SCHIP1: variants seen among roughly 807,000 people sequenced by gnomAD.
SCHIP1 encodes schwannomin-interacting protein 1.
In SCHIP1, 8 loss-of-function variants were observed where a neutral mutation model predicts 29.7. That is an observed-to-expected ratio of 0.27 (90% confidence interval 0.16 to 0.49). The LOEUF (loss-of-function observed/expected upper bound fraction) is 0.49, where lower values mean the gene tolerates loss of function less well. Ranked by LOEUF, SCHIP1 falls within the 20% of genes least tolerant of loss-of-function variation. The pLI, the probability that SCHIP1 is intolerant of heterozygous loss-of-function variation, is 0.99. For missense variants in SCHIP1, 193 were observed against 294.6 expected (o/e 0.66, Z 2.52); for synonymous variants, 76 against 94.9 (o/e 0.80, Z 1.16).
the SCHIP1 span, among the ~76,000 whole-genome samples, chr3:159,346,736 G>A: frequency 6.6e-6 from 1 of 152,084 alleles, no homozygotes; most frequent in African/African-American, 2.4e-5. Context: ...TGTGGTCAGT[G>A]GCATTTGTGG....
the SCHIP1 span, among the ~76,000 whole-genome samples, chr3:159,517,112 A>G: frequency 6.6e-6 from 1 of 152,234 alleles, no homozygotes; most frequent in African/African-American, 2.4e-5. Flanking sequence ...TCCCCAGAAC[A>G]ATGAGTATTG....
chr3:159,721,710 G>T, the SCHIP1 span: 1 of 376,608 alleles, frequency 2.7e-6, no homozygotes. Context: ...AGTCGGTTGT[G>T]CAGCATATAT....
At chr3:159,311,486 G>T in the SCHIP1 span, among the ~76,000 whole-genome samples, 2 of 151,966 alleles carry the variant, frequency 1.3e-5, no homozygotes, top group Non-Finnish European at 2.9e-5. Context: ...CTAAGTTTTG[G>T]TGTAGGATTT....
At chr3:159,434,243 G>C in the SCHIP1 span, among the ~76,000 whole-genome samples, 4 of 152,126 alleles carry the variant, frequency 2.6e-5, no homozygotes, top group Non-Finnish European at 4.4e-5. Context: ...TGCTTTAATT[G>C]AGTTTACCAT....
At chr3:159,725,093 C>T in the SCHIP1 span, among the ~76,000 whole-genome samples, 2 of 152,072 alleles carry the variant, frequency 1.3e-5, no homozygotes, top group Admixed American at 1.3e-4. Flanking sequence ...ACACAACAAA[C>T]TTGATTGCTC....
At chr3:159,552,762 A>T in the SCHIP1 span, among the ~76,000 whole-genome samples, 1 of 152,222 alleles carries the variant, frequency 6.6e-6, no homozygotes, top group East Asian at 1.9e-4. Flanking sequence ...ATGAAATTAT[A>T]AAGTAGTGTT....
the SCHIP1 span, among the ~76,000 whole-genome samples, chr3:159,545,619 C>A: frequency 7.5e-5 from 11 of 146,556 alleles, no homozygotes; most frequent in Admixed American, 6.9e-5. Flanking sequence ...TACATATACA[C>A]AATATATATA....
At chr3:159,468,978 G>A in the SCHIP1 span, among the ~76,000 whole-genome samples, 9 of 151,634 alleles carry the variant, frequency 5.9e-5, no homozygotes, top group East Asian at 7.8e-4. Flanking sequence ...GTGTTAGCCC[G>A]GATGGTCTCG....
chr3:159,440,601 G>A, the SCHIP1 span, among the ~76,000 whole-genome samples: 3 of 152,016 alleles, frequency 2.0e-5, no homozygotes, highest in Non-Finnish European at 2.9e-5. Context: ...TTTAAGAATT[G>A]CCCCAATTTT....
At chr3:159,755,110 C>T in the SCHIP1 span, among the ~76,000 whole-genome samples, 1 of 152,112 alleles carries the variant, frequency 6.6e-6, no homozygotes, top group Non-Finnish European at 1.5e-5. Context: ...CGGCAGGCAC[C>T]TGTAGTCCCA....
the SCHIP1 span, among the ~76,000 whole-genome samples, chr3:159,424,392 T>C: frequency 6.6e-6 from 1 of 152,152 alleles, no homozygotes; most frequent in Admixed American, 6.5e-5. Flanking sequence ...ATGTGAAGAA[T>C]GCAGAAGCCT....
chr3:159,468,779 T>TATA, the SCHIP1 span, among the ~76,000 whole-genome samples: 49 of 98,678 alleles, frequency 5.0e-4, 1 homozygote, highest in African/African-American at 1.8e-3. Flanking sequence ...ATATATATAT[T>TATA]TTTTTTAGAT....
chr3:159,329,238 A>G, the SCHIP1 span, among the ~76,000 whole-genome samples: 1 of 152,174 alleles, frequency 6.6e-6, no homozygotes, highest in African/African-American at 2.4e-5. Context: ...GCACACACAC[A>G]CACATAATTT....
the SCHIP1 span, among the ~76,000 whole-genome samples, chr3:159,395,005 T>C: frequency 2.6e-5 from 4 of 152,224 alleles, no homozygotes; most frequent in African/African-American, 9.6e-5. Context: ...CTGTTATTGG[T>C]CTATTCAGAG....
At chr3:159,415,639 C>A in the SCHIP1 span, among the ~76,000 whole-genome samples, 2 of 152,132 alleles carry the variant, frequency 1.3e-5, no homozygotes, top group Non-Finnish European at 2.9e-5. Context: ...GTTTTTATGG[C>A]TGTGTAGTAT....
intron 1 of SCHIP1, chr3:159,852,929 C>A (rs1370243211): frequency 3.2e-5 from 5 of 154,380 alleles, no homozygotes; most frequent in African/African-American, 1.2e-4. Flanking sequence ...ACACAATCTA[C>A]CCCTGGTTCA....
the SCHIP1 span, among the ~76,000 whole-genome samples, chr3:159,421,503 A>G: frequency 6.6e-6 from 1 of 152,082 alleles, no homozygotes; most frequent in African/African-American, 2.4e-5. Context: ...TACTATGAAA[A>G]AGGAGAACAA....
intron 2 of SCHIP1, among the ~76,000 whole-genome samples, chr3:159,878,333 C>T (rs1259645712): frequency 6.6e-6 from 1 of 151,988 alleles, no homozygotes; most frequent in East Asian, 1.9e-4. Context: ...CAAAAGATAG[C>T]TGGCTGGGTA....
At chr3:159,457,790 A>T in the SCHIP1 span, among the ~76,000 whole-genome samples, 1 of 152,148 alleles carries the variant, frequency 6.6e-6, no homozygotes, top group Non-Finnish European at 1.5e-5. Flanking sequence ...TGAATTTAGA[A>T]ATTAGGCACA....
Sources: allele counts gnomAD v4.1 joint callset (sites outside exome capture counted in the v4.1 genomes callset), GRCh38; gene constraint gnomAD v4.1.1; transcripts MANE v1.5; gene names NCBI Gene and HGNC (gene_info 2026-07-23, HGNC 2026-07-21).